The following RGS6 variants were observed in gnomAD, a reference collection of about 807,000 sequenced individuals.
RGS6 encodes regulator of G protein signaling 6.
RGS6 carries 30 observed loss-of-function variants against 78.5 expected under a neutral mutation model. The ratio of observed to expected loss-of-function variants is 0.38; its 90% CI spans 0.29 to 0.52. The LOEUF is 0.52. Among genes scored for constraint, RGS6 ranks in the 20% least tolerant of loss-of-function variants. RGS6 has a pLI of 0.85. For missense variants in RGS6, 495 were observed against 609.7 expected (o/e 0.81, Z 1.98); for synonymous variants, 206 against 206.0 (o/e 1.00, Z 0.00).
intron 2 of RGS6, among the ~76,000 whole-genome samples, chr14:72,168,898 A>G (rs2096968389): frequency 1.3e-5 from 2 of 152,148 alleles, no homozygotes; most frequent in Admixed American, 6.5e-5. Context: ...TTTATAGTCT[A>G]TTTGGTCTCA....
intron 12 of RGS6, among the ~76,000 whole-genome samples, chr14:72,484,760 C>T (rs2096456440): frequency 6.6e-6 from 1 of 151,938 alleles, no homozygotes; most frequent in Non-Finnish European, 1.5e-5. Context: ...AATAACTGTC[C>T]TCCTACCAGG....
chr14:72,213,374 A>G (rs895025266), intron 2 of RGS6, among the ~76,000 whole-genome samples: 1 of 152,188 alleles, frequency 6.6e-6, no homozygotes, highest in Non-Finnish European at 1.5e-5. Context: ...TAAGATTCAC[A>G]GAGGATCCTC....
chr14:72,349,404 A>G (rs774847666), intron 2 of RGS6, among the ~76,000 whole-genome samples: 1 of 152,160 alleles, frequency 6.6e-6, no homozygotes, highest in Non-Finnish European at 1.5e-5. Context: ...ATCACATTCA[A>G]TAACACCCCA....
intron 2 of RGS6, among the ~76,000 whole-genome samples, chr14:72,175,057 A>C (rs1372673829): frequency 2.0e-5 from 3 of 152,230 alleles, no homozygotes; most frequent in African/African-American, 7.2e-5. Context: ...ACATTGCAGT[A>C]GAGGGACTGT....
At chr14:71,919,344 C>T in the RGS6 span, among the ~76,000 whole-genome samples, 2 of 152,164 alleles carry the variant, frequency 1.3e-5, no homozygotes, top group African/African-American at 2.4e-5. Flanking sequence ...CTTAGTTACC[C>T]ATAAAGCTAG....
chr14:72,022,022 G>A (rs1230307628), intron 2 of RGS6, among the ~76,000 whole-genome samples: 4 of 151,958 alleles, frequency 2.6e-5, no homozygotes, highest in Non-Finnish European at 5.9e-5. Context: ...GAGAACATGC[G>A]GTATTTGGTT....
At chr14:72,540,997 T>C (rs2097318335) in intron 17 of RGS6, 2 of 1,281,708 alleles carry the variant, frequency 1.6e-6, no homozygotes, top group Non-Finnish European at 2.0e-6. Flanking sequence ...CCTCTTTCCA[T>C]GCTGGTCGGC....
rs543447874 is a variant in RGS6 at position 72,519,214 on chromosome 14, T to C, written c.1278+677T>C. Among the ~76,000 whole-genome samples the C allele has an allele frequency of 7.9e-5, 12 of 152,344 alleles. No homozygotes were observed. In the East Asian group the frequency reaches 2.3e-3, roughly 29 times the overall value. On this transcript the variant is annotated intron_variant, in intron 15 of 17. Coordinates refer to ENST00000553525, the MANE Select transcript of RGS6 (RefSeq NM_001204424.2). ...AGATGCTCACAGATGCTAGTGATGC[T>C]GGCTAAAGAAACAGGAACCACCCTA...
At chr14:72,204,524 TG>T (rs2042287384) in intron 2 of RGS6, among the ~76,000 whole-genome samples, 1 of 152,122 alleles carries the variant, frequency 6.6e-6, no homozygotes, top group Non-Finnish European at 1.5e-5. Context: ...TACCATAAAC[TG>T]GGTGGCTTAT....
rs764261975 is a variant in RGS6, at chr14:72,078,260, C to G, written c.84+113385C>G. 2.6e-5 allele frequency among the ~76,000 whole-genome samples: 4 copies of G among 152,266 alleles called. No homozygotes were observed. In the East Asian group the frequency reaches 5.8e-4, roughly 22 times the overall value. On this transcript the variant is annotated intron_variant, in intron 2 of 17. Coordinates refer to ENST00000553525, the MANE Select transcript of RGS6 (RefSeq NM_001204424.2). ...GGCCATGTAAGGTGAGGATGCTTCC[C>G]CTTTGTCTTTTGCCATAATTCTAAG... is the stretch of plus-strand genomic sequence containing the variant.
chr14:72,504,921 ATTTTTTTTTT>A lies in RGS6; in HGVS notation c.966-5214_966-5205del, dbSNP rs34953560. The stretch of plus-strand genomic sequence containing the variant: ...AGGTGCCCACCACCACGCCCAGCTA[ATTTTTTTTTT>A]TTTTTTTTTTTTTTTTTTGTATTTT... On this transcript the variant is annotated intron_variant, in intron 13 of 17. Coordinates refer to ENST00000553525, the MANE Select transcript of RGS6 (RefSeq NM_001204424.2). Among the ~76,000 whole-genome samples the A allele has an allele frequency of 2.4e-3, 184 of 76,076 alleles. 2 individuals are homozygous for A. The highest frequency in any genetic ancestry group is 6.5e-3 in the African/African-American group (127 of 19,496). The allele number at this position is 76,076 out of a possible 152,430, so 49.9% of individuals were successfully genotyped here. A position where few individuals can be genotyped will look rare whatever the true frequency, so the allele number is the denominator to read the frequency against.
At position 72,352,133 on chromosome 14, in the gene RGS6, A is replaced by C; in HGVS notation, c.123A>C (p.Thr41=). The change falls in exon 3 of 18, where the codon ACA becomes ACC. Residue 41 remains threonine, a synonymous_variant. Transcript: ENST00000553525. ...DIITKMQDDK[T]GGVPIRTVKS... ...TTACAAAGATGCAAGATGACAAGAC[A>C]GGGGGTGTGCCCATCAGAACAGTCA... 1 of 1,613,554 alleles carries C rather than the reference A, an allele frequency of 6.2e-7. No homozygotes were observed. Among genetic ancestry groups the C allele is most frequent in the Non-Finnish European group, 8.5e-7 (1 of 1,179,758 alleles).
At chr14:72,175,323 C>T (rs865965534) in intron 2 of RGS6, among the ~76,000 whole-genome samples, 1 of 152,172 alleles carries the variant, frequency 6.6e-6, no homozygotes, top group Admixed American at 6.5e-5. Context: ...ATACTTTCAG[C>T]ATACTGTGAC....
chr14:72,244,556 C>A (rs1056911407), intron 2 of RGS6, among the ~76,000 whole-genome samples: 1 of 152,276 alleles, frequency 6.6e-6, no homozygotes, highest in Middle Eastern at 3.4e-3. Context: ...CAGTTGTTCC[C>A]CCTACCATAG....
the RGS6 span, among the ~76,000 whole-genome samples, chr14:71,889,276 A>G: frequency 2.6e-5 from 4 of 152,166 alleles, no homozygotes; most frequent in Non-Finnish European, 4.4e-5. Flanking sequence ...AGACAGAAAT[A>G]TGATTGCGGG....
chr14:72,141,904 AAC>A (rs1491086968), intron 2 of RGS6, among the ~76,000 whole-genome samples: 1 of 151,652 alleles, frequency 6.6e-6, no homozygotes, highest in Non-Finnish European at 1.5e-5. Context: ...AAAAAAAAAA[AAC>A]AAAACCCAAA....
chr14:72,000,404 G>A (rs939387972), intron 2 of RGS6, among the ~76,000 whole-genome samples: 1 of 152,100 alleles, frequency 6.6e-6, no homozygotes. Context: ...AAAGTAATGG[G>A]CCCCATCTTG....
intron 17 of RGS6, chr14:72,553,276 A>C (rs760617065): frequency 6.6e-6 from 1 of 152,574 alleles, no homozygotes; most frequent in Non-Finnish European, 1.5e-5. Flanking sequence ...CTTCCTAAAA[A>C]CACAATTGCC....
the RGS6 span, among the ~76,000 whole-genome samples, chr14:71,918,049 C>T: frequency 1.3e-5 from 2 of 151,612 alleles, no homozygotes; most frequent in Non-Finnish European, 2.9e-5. Context: ...GGCGTGGTGG[C>T]GGGCGCCTGT....
Sources: allele counts gnomAD v4.1 joint callset (sites outside exome capture counted in the v4.1 genomes callset), GRCh38; gene constraint gnomAD v4.1.1; transcripts MANE v1.5; gene names NCBI Gene and HGNC (gene_info 2026-07-23, HGNC 2026-07-21).